The following MSI2 variants were observed in gnomAD, a reference collection of about 807,000 sequenced individuals.
MSI2 encodes the protein musashi RNA binding protein 2, also known as RNA-binding protein Musashi homolog 2.
A neutral mutation model predicts 45.6 loss-of-function variants in MSI2; 17 were observed. That is an observed-to-expected ratio of 0.37 (90% CI 0.26 to 0.56). MSI2 has a LOEUF of 0.56. MSI2 is among the 20% of genes least tolerant of loss of function. The pLI is 0.77. For synonymous variants in MSI2, 156 were observed against 158.2 expected, an observed-to-expected ratio of 0.99 and a Z score of 0.11; for missense variants, 293 against 444.2, an observed-to-expected ratio of 0.66 and a Z score of 3.06.
At chr17:57,685,002 G>C (rs943750915), downstream of MSI2, among the ~76,000 whole-genome samples, 2 of 152,122 alleles carry the variant, frequency 1.3e-5, no homozygotes, top group Admixed American at 1.3e-4. Context: ...CGGATCAGAG[G>C]ACCCAGATGG....
chr17:57,675,633 G>C (rs777988794), intron 12 of MSI2, among the ~76,000 whole-genome samples: 2 of 152,126 alleles, frequency 1.3e-5, no homozygotes, highest in Non-Finnish European at 2.9e-5. Context: ...TTAGTCAATA[G>C]AGCCCCTGAT....
intron 5 of MSI2, among the ~76,000 whole-genome samples, chr17:57,339,274 T>G (rs143603835): frequency 2.4e-4 from 36 of 152,304 alleles, no homozygotes; most frequent in African/African-American, 8.4e-4. Context: ...GGTCGGCATA[T>G]TTAGATCATC....
At chr17:57,318,260 G>A (rs966875836) in intron 5 of MSI2, among the ~76,000 whole-genome samples, 1 of 152,164 alleles carries the variant, frequency 6.6e-6, no homozygotes, top group African/African-American at 2.4e-5. Flanking sequence ...GACCATAGAG[G>A]TGAGGTGGGA....
chr17:57,691,299 G>C, the MSI2 span, among the ~76,000 whole-genome samples: 1 of 151,924 alleles, frequency 6.6e-6, no homozygotes, highest in South Asian at 2.1e-4. Flanking sequence ...CGATCAGGTA[G>C]AGTGAACCCA....
chr17:57,652,458 C>T lies in MSI2; in HGVS notation c.790+297C>T, dbSNP rs1467229243. ...CTTTTTGACTTTGACCATCCCGTCA[C>T]CTGACAGCTAGCTTCGGGTACCTGT... On this transcript the variant is annotated intron_variant, in intron 11 of 13. Transcript: ENST00000284073. This position sits in a 1 kb window ranked among gnomAD's most constrained non-coding sequence, Gnocchi z 4.1. 1.3e-5 allele frequency among the ~76,000 whole-genome samples: 2 copies of T among 152,168 alleles called. No homozygotes were observed. The highest frequency in any genetic ancestry group is 2.9e-5 in the Non-Finnish European group (2 of 68,008).
chr17:57,480,473 C>A (rs897301503), intron 6 of MSI2, among the ~76,000 whole-genome samples: 10 of 152,188 alleles, frequency 6.6e-5, no homozygotes, highest in Non-Finnish European at 1.5e-4. Context: ...AGGCTCCAAC[C>A]AGCAGCAGGA....
intron 5 of MSI2, among the ~76,000 whole-genome samples, chr17:57,309,260 T>C (rs892286908): frequency 2.0e-5 from 3 of 152,230 alleles, no homozygotes; most frequent in African/African-American, 4.8e-5. Context: ...AGTTTGGGGC[T>C]AAGGAACTTG....
chr17:57,450,267 G>GAAAGA (rs1567830615), intron 6 of MSI2: 8 of 75,422 alleles, frequency 1.1e-4, no homozygotes, highest in East Asian at 5.4e-4. Flanking sequence ...AAGAAAGAAA[G>GAAAGA]AAAGAAAGAA....
At chr17:57,648,294 G>A (rs895985984) in intron 10 of MSI2, among the ~76,000 whole-genome samples, 2 of 152,096 alleles carry the variant, frequency 1.3e-5, no homozygotes, top group East Asian at 1.9e-4. Flanking sequence ...ATGAGCCACC[G>A]CGCCTGGCCT....
At chr17:57,543,285 A>G (rs1160296355) in intron 7 of MSI2, among the ~76,000 whole-genome samples, 1 of 152,340 alleles carries the variant, frequency 6.6e-6, no homozygotes, top group East Asian at 1.9e-4. Context: ...GAGGGGGGGA[A>G]AATGCCTTTA....
At chr17:57,547,741 TACACACACACACACACACACAC>T (rs34631177) in intron 7 of MSI2, among the ~76,000 whole-genome samples, 18 of 123,310 alleles carry the variant, frequency 1.5e-4, no homozygotes, top group African/African-American at 2.6e-4. Flanking sequence ...AGACAAAAAG[TACACACACACACACACACACAC>T]ACACACACAC....
intron 6 of MSI2, among the ~76,000 whole-genome samples, chr17:57,454,438 C>CTTTTTTTTTTTTTTTTTTTTT: frequency 7.7e-6 from 1 of 130,136 alleles, no homozygotes; most frequent in Admixed American, 7.9e-5. Flanking sequence ...TTTTCTCTTT[C>CTTTTTTTTTTTTTTTTTTTTT]TTTTTTTTTT....
At chr17:57,276,887 C>T (rs111233903) in intron 5 of MSI2, among the ~76,000 whole-genome samples, 5 of 152,106 alleles carry the variant, frequency 3.3e-5, no homozygotes, top group African/African-American at 7.2e-5. Context: ...CTGACTCGGT[C>T]TCCTGGGGAA....
rs1010996388 is a variant in MSI2 at position 57,334,805 on chromosome 17, T to A, written c.313-66574T>A. 9.8e-4 allele frequency among the ~76,000 whole-genome samples: 146 copies of A among 148,992 alleles called. 3 individuals carry two copies. The highest frequency in any genetic ancestry group is 4.7e-3 in the South Asian group (22 of 4,714). On this transcript the variant is annotated intron_variant, in intron 5 of 13. Transcript: ENST00000284073. ...CGAGACTCCATCTCAAAAAAAAAAA[T>A]AAATAAATAAGATAAAAAAATACGT...
intron 5 of MSI2, among the ~76,000 whole-genome samples, chr17:57,277,534 C>G (rs181636398): frequency 6.6e-6 from 1 of 152,170 alleles, no homozygotes; most frequent in African/African-American, 2.4e-5. Flanking sequence ...TTTCGATTTC[C>G]CCATCTGTAG....
chr17:57,282,813 G>A (rs1230455892), intron 5 of MSI2, among the ~76,000 whole-genome samples: 2 of 146,472 alleles, frequency 1.4e-5, no homozygotes. Flanking sequence ...GCTTGGGCTG[G>A]GGTTGGGGGG....
At chr17:57,672,902 A>G (rs1412347134) in intron 11 of MSI2, among the ~76,000 whole-genome samples, 2 of 152,324 alleles carry the variant, frequency 1.3e-5, no homozygotes, top group East Asian at 1.9e-4. Flanking sequence ...AATCTTCTAT[A>G]TTCAAAAATC....
chr17:57,664,256 C>G (rs1035246739), intron 11 of MSI2, among the ~76,000 whole-genome samples: 2 of 152,338 alleles, frequency 1.3e-5, no homozygotes, highest in East Asian at 1.9e-4. Context: ...CGGTGACTCA[C>G]GCCTGTAATC....
At chr17:57,651,015 G>A (rs547391576) in intron 10 of MSI2, among the ~76,000 whole-genome samples, 1 of 152,288 alleles carries the variant, frequency 6.6e-6, no homozygotes, top group African/African-American at 2.4e-5. Context: ...TTGGAAATGG[G>A]TCTTGGGGTC....
Sources: allele counts gnomAD v4.1 joint callset (sites outside exome capture counted in the v4.1 genomes callset), GRCh38; gene constraint gnomAD v4.1.1; non-coding constraint Gnocchi (gnomAD v3.1); transcripts MANE v1.5; gene names NCBI Gene and HGNC (gene_info 2026-07-23, HGNC 2026-07-21).